The following FNDC3B variants were observed in gnomAD, a reference collection of about 807,000 sequenced individuals.
The protein encoded by FNDC3B is fibronectin type III domain-containing protein 3B.
FNDC3B carries 12 observed loss-of-function variants against 151.5 expected under a neutral mutation model. The observed-to-expected ratio is 0.08, with a 90% confidence interval of 0.05 to 0.13. FNDC3B has a LOEUF of 0.13. FNDC3B is among the 10% of genes least tolerant of loss of function. The pLI is 1.00. For synonymous variants in FNDC3B, 528 were observed against 549.0 expected, an observed-to-expected ratio of 0.96 and a Z score of 0.54; for missense variants, 1,214 against 1,505.3, an observed-to-expected ratio of 0.81 and a Z score of 3.20.
intron 2 of FNDC3B, among the ~76,000 whole-genome samples, chr3:172,113,312 A>C (rs1720071060): frequency 6.6e-6 from 1 of 152,242 alleles, no homozygotes; most frequent in Admixed American, 6.5e-5. Context: ...TGTGAAAAGT[A>C]GAATTGGGAG....
At chr3:172,188,117 T>A (rs1174097163) in intron 3 of FNDC3B, among the ~76,000 whole-genome samples, 3 of 150,806 alleles carry the variant, frequency 2.0e-5, no homozygotes, top group African/African-American at 7.3e-5. Flanking sequence ...TGCCTCAGCC[T>A]CCCTAGTAGC....
At chr3:172,077,866 C>CA (rs1718091923) in intron 1 of FNDC3B, among the ~76,000 whole-genome samples, 1 of 152,052 alleles carries the variant, frequency 6.6e-6, no homozygotes, top group Non-Finnish European at 1.5e-5. Flanking sequence ...CCTCAAAACA[C>CA]AAAATAGTAA....
At chr3:172,188,142 T>C (rs1724299359) in intron 3 of FNDC3B, among the ~76,000 whole-genome samples, 1 of 150,282 alleles carries the variant, frequency 6.7e-6, no homozygotes, top group African/African-American at 2.5e-5. Context: ...ATTACAGGCA[T>C]GTGCCACCAC....
intron 22 of FNDC3B, among the ~76,000 whole-genome samples, chr3:172,355,517 G>A (rs115989208): frequency 0.056 from 2,893 of 51,996 alleles, 98 homozygotes; most frequent in African/African-American, 0.15. Flanking sequence ...AGAAAATCTA[G>A]GGGGGGGGCC....
At chr3:172,131,227 C>G (rs149409658) in intron 2 of FNDC3B, among the ~76,000 whole-genome samples, 92 of 152,128 alleles carry the variant, frequency 6.0e-4, no homozygotes, top group African/African-American at 2.2e-3. Flanking sequence ...AACCCCATCT[C>G]TACTAAAAAT....
chr3:172,337,388 T>C lies in FNDC3B; in HGVS notation c.1839T>C (p.Asp613=). ...TCAAGTACTTGCTAGAGATTACTGA[T>C]GGAAATTCTGAAGGTGAAGTTTTTG... The part of the protein sequence containing the change: ...EILKYLLEIT[D]GNSEANQWEV... The change falls in exon 16 of 26, where the codon GAT becomes GAC. Residue 613 remains aspartate, a synonymous_variant. Transcript: ENST00000415807. The C allele has an allele frequency of 6.2e-7, 1 of 1,611,522 alleles. No individual in the cohort carries two copies. The highest frequency in any genetic ancestry group is 8.5e-7 in the Non-Finnish European group (1 of 1,177,784).
At chr3:172,044,549 A>G (rs932779429) in intron 1 of FNDC3B, among the ~76,000 whole-genome samples, 4 of 152,174 alleles carry the variant, frequency 2.6e-5, no homozygotes, top group Non-Finnish European at 5.9e-5. Context: ...CATTGCTTCC[A>G]GCTCTTTGAA....
intron 6 of FNDC3B, among the ~76,000 whole-genome samples, chr3:172,257,235 A>T (rs1728397499): frequency 6.6e-6 from 1 of 152,152 alleles, no homozygotes; most frequent in African/African-American, 2.4e-5. Context: ...TATGTATAAA[A>T]ATTTGCTGTG....
chr3:172,261,475 A>T (rs1179654911), intron 6 of FNDC3B, among the ~76,000 whole-genome samples: 1 of 152,176 alleles, frequency 6.6e-6, no homozygotes, highest in African/African-American at 2.4e-5. Flanking sequence ...CTATACTACA[A>T]ATATGTTCAT....
At chr3:172,106,803 C>T (rs1010642150) in intron 1 of FNDC3B, among the ~76,000 whole-genome samples, 1 of 151,896 alleles carries the variant, frequency 6.6e-6, no homozygotes, top group Non-Finnish European at 1.5e-5. Flanking sequence ...AGGCTGGGAC[C>T]AAAGTACCAT....
chr3:172,111,711 C>A (rs894605352), intron 1 of FNDC3B, among the ~76,000 whole-genome samples: 10 of 152,070 alleles, frequency 6.6e-5, no homozygotes, highest in Non-Finnish European at 1.3e-4. Context: ...TCATATCTAC[C>A]TGAGACATAT....
At chr3:172,220,570 T>C (rs530335319) in intron 3 of FNDC3B, among the ~76,000 whole-genome samples, 2 of 152,374 alleles carry the variant, frequency 1.3e-5, no homozygotes, top group African/African-American at 2.4e-5. Context: ...TTGGTGTCTA[T>C]AGATCTGTTG....
chr3:172,363,267 G>A (rs1734451099), intron 23 of FNDC3B, among the ~76,000 whole-genome samples: 1 of 152,208 alleles, frequency 6.6e-6, no homozygotes, highest in African/African-American at 2.4e-5. Context: ...TGAAATAGCT[G>A]TGGGTGATGT....
rs10561622 is a variant in FNDC3B at position 172,149,806 on chromosome 3, G to GTTTTTTTTTT, written c.187+16281_187+16290dup. On this transcript the variant is annotated intron_variant, in intron 3 of 25. Transcript: ENST00000415807. ...TGTGTATACCTTTTGTATGTTGGGT[G>GTTTTTTTTTT]TTTTTTTTTTTTTTTTTTTTTTTTT... 8.0e-4 allele frequency among the ~76,000 whole-genome samples: 42 copies of GTTTTTTTTTT among 52,510 alleles called. 5 individuals carry two copies. The highest frequency in any genetic ancestry group is 2.7e-3 in the African/African-American group (34 of 12,776). The allele number at this position is 52,510 out of a possible 152,430, so 34.4% of individuals were successfully genotyped here.
chr3:172,112,451 G>A lies in FNDC3B; in HGVS notation c.-28-1G>A, dbSNP rs1263868656. The A allele has an allele frequency of 1.3e-6, 2 of 1,522,446 alleles. No individual in the cohort carries two copies. The highest frequency in any genetic ancestry group is 1.7e-4 in the Middle Eastern group (1 of 5,888). The allele number at this position is 1,522,446 out of a possible 1,614,324, so 94.3% of individuals were successfully genotyped here. A position where few individuals can be genotyped will look rare whatever the true frequency, so the allele number is the denominator to read the frequency against. ...TTTAAAAAGCGGCGGTTCTCTTGCA[G>A]GAAGCCAGTTGAGGGAAGTTCTCCA... is the stretch of plus-strand genomic sequence containing the variant. On this transcript the variant is annotated splice_acceptor_variant, in intron 1 of 25. Transcript: ENST00000415807. LOFTEE classifies it low-confidence loss of function (5UTR_SPLICE).
At chr3:172,301,565 T>A (rs1479761056) in intron 9 of FNDC3B, 1 of 152,222 alleles carries the variant, frequency 6.6e-6, no homozygotes, top group Non-Finnish European at 1.5e-5. Flanking sequence ...ACTGGACAGC[T>A]GCAAAATAAA....
chr3:172,284,954 A>G (rs772793247), intron 6 of FNDC3B, among the ~76,000 whole-genome samples: 5 of 151,934 alleles, frequency 3.3e-5, no homozygotes, highest in Non-Finnish European at 4.4e-5. Flanking sequence ...GTGAAAATCA[A>G]GAAGATCCTC....
intron 3 of FNDC3B, among the ~76,000 whole-genome samples, chr3:172,155,339 T>C (rs1485377746): frequency 6.6e-6 from 1 of 152,182 alleles, no homozygotes; most frequent in African/African-American, 2.4e-5. Flanking sequence ...AATCTGATTG[T>C]TGGATGAGTT....
intron 2 of FNDC3B, among the ~76,000 whole-genome samples, chr3:172,116,655 T>G (rs990343557): frequency 3.3e-5 from 5 of 152,160 alleles, no homozygotes; most frequent in Non-Finnish European, 7.3e-5. Context: ...AACATCCACC[T>G]TCCGGGTTCA....
Sources: allele counts gnomAD v4.1 joint callset (sites outside exome capture counted in the v4.1 genomes callset), GRCh38; gene constraint gnomAD v4.1.1; transcripts MANE v1.5; gene names NCBI Gene and HGNC (gene_info 2026-07-23, HGNC 2026-07-21).